The following VIPAS39 variants were observed in gnomAD, a reference collection of about 807,000 sequenced individuals.
VIPAS39 encodes the protein VPS33B interacting protein, apical-basolateral polarity regulator, spe-39 homolog.
A neutral mutation model predicts 84.7 loss-of-function variants in VIPAS39; 63 were observed. That is an observed-to-expected ratio of 0.74 (90% CI 0.61 to 0.92). The LOEUF (loss-of-function observed/expected upper bound fraction) is 0.92. Among genes scored for constraint, VIPAS39 ranks in the 40% least tolerant of loss-of-function variants. VIPAS39 has a pLI of 0.00. For synonymous variants in VIPAS39, 192 were observed against 216.5 expected, an observed-to-expected ratio of 0.89 and a Z score of 0.99; for missense variants, 499 against 604.5, an observed-to-expected ratio of 0.83 and a Z score of 1.83.
intron 3 of VIPAS39, among the ~76,000 whole-genome samples, chr14:77,451,574 C>G (rs541103228): frequency 1.3e-5 from 2 of 152,134 alleles, no homozygotes; most frequent in African/African-American, 2.4e-5. Flanking sequence ...CAACCTTACT[C>G]TTTTTTCTCT....
intron 15 of VIPAS39, 132 bp from the exon 16 acceptor site, chr14:77,434,063 C>A: frequency 8.9e-6 from 11 of 1,239,992 alleles, no homozygotes; most frequent in Non-Finnish European, 1.2e-5. Context: ...CAAAAAATTT[C>A]TCAGTTCAAG....
At chr14:77,432,621 C>T (rs2078540798) in intron 16 of VIPAS39, among the ~76,000 whole-genome samples, 1 of 152,108 alleles carries the variant, frequency 6.6e-6, no homozygotes, top group South Asian at 2.1e-4. Flanking sequence ...CATGTGACAG[C>T]ATGGATGAAC....
rs1328345450 is a variant in VIPAS39, at chr14:77,449,296, A to G, written c.444T>C (p.Tyr148=). Residue 148 remains tyrosine (Y), a synonymous_variant, in exon 6 of 20, where the codon TAT becomes TAC. Coordinates refer to ENST00000557658, the MANE Select transcript of VIPAS39 (RefSeq NM_001193315.2). ...ACCAGTGTATGCTGTAACTCACCCTATACTCCCCTTTGGGTCTCCCCAGCT... is the reference window on the plus strand; with the variant it reads ...ACCAGTGTATGCTGTAACTCACCCTGTACTCCCCTTTGGGTCTCCCCAGCT... ...APELGRPKGE[Y]RDYSNDWSPS... 3.1e-6 allele frequency: 5 copies of G among 1,614,134 alleles called. No homozygotes were observed. The highest frequency in any genetic ancestry group is 4.2e-6 in the Non-Finnish European group (5 of 1,179,994).
Position 77,453,368 on chromosome 14 carries a change from G to A in VIPAS39, c.127C>T (p.Arg43Ter), listed in dbSNP as rs780474960. The change falls in exon 3 of 20, where the codon CGA becomes TGA. Residue 43 changes from arginine (R) to a stop codon, truncating the protein, a stop_gained. Transcript: ENST00000557658. LOFTEE classifies it high-confidence loss of function. ...KESKRAVNSL[R>*]DFVDDDDDDD... ...TCGTCATCATCATCCACGAAGTCTC[G>A]GAGGCTGTTCACCGCCCGCTTGGAC... 2 of 1,614,014 alleles carry A rather than the reference G, an allele frequency of 1.2e-6. No homozygotes were observed. The highest frequency in any genetic ancestry group is 2.2e-5 in the East Asian group (1 of 44,892).
rs34835605 is a variant in VIPAS39 at position 77,433,822 on chromosome 14, C to T, written c.1179+20G>A. The stretch of plus-strand genomic sequence containing the variant: ...CTTCTGTCTCCCAAGGCCTCAGCAG[C>T]ACAGGGGCAGGGCACACACCTTTGT... On this transcript the variant is annotated intron_variant, in intron 16 of 19. Transcript: ENST00000557658. 297,846 of 1,612,142 alleles carry T rather than the reference C, an allele frequency of 0.18. 29,523 individuals carry two copies. Among genetic ancestry groups the T allele is most frequent in the Admixed American group, 0.27 (16,321 of 59,976 alleles).
At chr14:77,441,043 A>G (rs765881409) in intron 11 of VIPAS39, 23 bp downstream of exon 11, 3 of 1,612,702 alleles carry the variant, frequency 1.9e-6, no homozygotes, top group Non-Finnish European at 8.5e-7. Context: ...CAGGTACCCA[A>G]CTGAAACAAA....
rs118155418 is a variant in VIPAS39, at chr14:77,434,286, G to A, written c.1065C>T (p.Pro355=). Residue 355 remains proline (P), a synonymous_variant, in exon 15 of 20, where the codon CCC becomes CCT. Coordinates refer to ENST00000557658, the MANE Select transcript of VIPAS39 (RefSeq NM_001193315.2). ...CCTTAAATGTCTTCTTCAGGTTGAC[G>A]GGACTGCTGAATGTCCCCTAGGATG... The part of the protein sequence containing the change: ...YTEAEGTFSS[P]VNLKKTFKIP... 975 of 1,614,060 alleles carry A rather than the reference G, an allele frequency of 6.0e-4. 14 individuals carry two copies. The East Asian group carries it at 0.02, about 34-fold the overall frequency.
chr14:77,439,172 C>T (rs1163000570), intron 11 of VIPAS39, among the ~76,000 whole-genome samples: 1 of 152,142 alleles, frequency 6.6e-6, no homozygotes, highest in Non-Finnish European at 1.5e-5. Context: ...GGTTGAAAAA[C>T]TCAAAATCTA....
At chr14:77,444,368 C>A (rs145159015) in intron 7 of VIPAS39, 27 bp from the exon 8 acceptor site, 1 of 1,584,416 alleles carries the variant, frequency 6.3e-7, no homozygotes, top group Non-Finnish European at 8.7e-7. Context: ...AGAATTAGTA[C>A]ACAAGAAGAC....
At chr14:77,453,776 A>G (rs997362357) in intron 2 of VIPAS39, among the ~76,000 whole-genome samples, 3 of 152,202 alleles carry the variant, frequency 2.0e-5, no homozygotes, top group African/African-American at 4.8e-5. Context: ...AAAAATATAT[A>G]TCACATAAAT....
intron 1 of VIPAS39, among the ~76,000 whole-genome samples, chr14:77,454,904 T>C (rs953230862): frequency 6.6e-6 from 1 of 152,082 alleles, no homozygotes; most frequent in African/African-American, 2.4e-5. Context: ...TGAGGCACTG[T>C]TCTAGGCTCT....
chr14:77,454,779 A>G (rs1404259377), intron 1 of VIPAS39, among the ~76,000 whole-genome samples: 1 of 152,296 alleles, frequency 6.6e-6, no homozygotes, highest in East Asian at 1.9e-4. Flanking sequence ...GGCAAATGTT[A>G]TAAGAATCTA....
intron 2 of VIPAS39, among the ~76,000 whole-genome samples, chr14:77,453,718 GACACA>G (rs1647389255): frequency 6.6e-6 from 1 of 151,798 alleles, no homozygotes; most frequent in South Asian, 2.1e-4. Context: ...TTGCAAAATA[GACACA>G]ACAAAGATAA....
At position 77,427,632 on chromosome 14, in the gene VIPAS39, A is replaced by T; in HGVS notation, c.1466T>A (p.Ile489Asn). The T allele has an allele frequency of 6.2e-7, 1 of 1,614,170 alleles. No homozygotes were observed. Among genetic ancestry groups the T allele is most frequent in the Non-Finnish European group, 8.5e-7 (1 of 1,180,030 alleles). Residue 489 changes from isoleucine to asparagine, a missense_variant, in exon 20 of 20, where the codon ATT (isoleucine) becomes AAT (asparagine). Ile to Asn is a moderately radical substitution (Grantham distance 149). Transcript: ENST00000557658. ...CAATGCCACTTAATTCTTCCATCGA[A>T]TTTGCTGTGGAAAGAGGAAACAATG... Reference protein sequence around the residue: ...KIDALLSSSQIRWKN With the variant: ...KIDALLSSSQNRWKN
chr14:77,447,886 T>C (rs1400351123), intron 7 of VIPAS39, among the ~76,000 whole-genome samples: 1 of 151,680 alleles, frequency 6.6e-6, no homozygotes, highest in Non-Finnish European at 1.5e-5. Flanking sequence ...GGTCTAGAAC[T>C]CCTGACCTCA....
intron 10 of VIPAS39, 38 bp from the exon 11 acceptor site, chr14:77,441,131 A>G (rs2139813306): frequency 6.2e-7 from 1 of 1,612,332 alleles, no homozygotes. Context: ...ATTTGTATCT[A>G]TTGATGTGTG....
At position 77,457,508 on chromosome 14, in the gene VIPAS39, A is replaced by T; in HGVS notation, c.-14T>A. The T allele has an allele frequency of 9.7e-7, 1 of 1,025,872 alleles. No homozygotes were observed. Among genetic ancestry groups the T allele is most frequent in the Non-Finnish European group, 1.4e-6 (1 of 700,386 alleles). 63.5% of individuals were successfully genotyped at this position (1,025,872 alleles called of 1,614,324 possible). A position where few individuals can be genotyped will look rare whatever the true frequency, so the allele number is the denominator to read the frequency against. On this transcript the variant is annotated 5_prime_UTR_variant, in exon 1 of 20. Transcript: ENST00000557658. ...GGACACCCTCACCTCTTCCGCACAG[A>T]GCCCTCCCTCTCAGGACAGCGCCAG...
At position 77,437,797 on chromosome 14, in the gene VIPAS39, C is replaced by T. The variant is rs765633987; in HGVS notation, c.836+11G>A. The T allele has an allele frequency of 6.2e-7, 1 of 1,613,150 alleles. No individual in the cohort carries two copies. Among genetic ancestry groups the T allele is most frequent in the East Asian group, 2.2e-5 (1 of 44,852 alleles). ...TATTTATACTTAAAATCATTTTTCCCCCATACTTACCCAACACAGGTTTTA... is the reference window on the plus strand; with the variant it reads ...TATTTATACTTAAAATCATTTTTCCTCCATACTTACCCAACACAGGTTTTA... On this transcript the variant is annotated intron_variant, in intron 12 of 19. Coordinates refer to ENST00000557658, the MANE Select transcript of VIPAS39 (RefSeq NM_001193315.2).
intron 2 of VIPAS39, 42 bp from the exon 3 acceptor site, chr14:77,453,443 A>AT: frequency 6.4e-7 from 1 of 1,566,984 alleles, no homozygotes. Context: ...GCAAATCATC[A>AT]TTTCCCACCT....
Sources: gnomAD v4.1 joint callset for allele counts (sites outside exome capture counted in the v4.1 genomes callset) on GRCh38, gnomAD v4.1.1 for gene constraint, MANE v1.5 for transcripts, NCBI Gene and HGNC (gene_info 2026-07-23, HGNC 2026-07-21) for gene names.